DMD: variants seen among roughly 807,000 people sequenced by gnomAD.
The protein encoded by DMD is dystrophin.
In DMD, 63 loss-of-function variants were observed where a neutral mutation model predicts 330.1. That is an observed-to-expected ratio of 0.19 (90% CI 0.16 to 0.24). DMD has a LOEUF of 0.24. Ranked by LOEUF, DMD falls within the 10% of genes least tolerant of loss-of-function variation. DMD has a pLI of 1.00. For missense variants in DMD, 3,344 were observed against 2,684.1 expected (o/e 1.25, Z -5.43); for synonymous variants, 1,223 against 959.8 (o/e 1.27, Z -5.07).
intron 44 of DMD, among the ~76,000 whole-genome samples, chrX:32,173,845 C>T (rs1459187536): frequency 3.6e-5 from 4 of 111,759 alleles, no homozygotes; most frequent in East Asian, 5.6e-4. Context: ...CAACCTGTTG[C>T]TGTATTGTTC....
chrX:32,485,760 T>TTTTTTTTG (rs1491562755), intron 20 of DMD, among the ~76,000 whole-genome samples: 2 of 83,598 alleles, frequency 2.4e-5, no homozygotes, highest in African/African-American at 1.1e-4. Flanking sequence ...TTTTTTTTTT[T>TTTTTTTTG]GGGACAGAGT....
chrX:31,978,148 T>C (rs892975983), intron 44 of DMD, among the ~76,000 whole-genome samples: 2 of 112,074 alleles, frequency 1.8e-5, no homozygotes, highest in African/African-American at 3.2e-5. Context: ...CCTTTTCATT[T>C]GACTGAAACC....
At chrX:32,082,058 G>A (rs1398576394) in intron 44 of DMD, among the ~76,000 whole-genome samples, 1 of 110,139 alleles carries the variant, frequency 9.1e-6, no homozygotes, top group Non-Finnish European at 1.9e-5. Flanking sequence ...GTGATTTTAC[G>A]TACACGATCT....
At chrX:33,157,351 A>G (rs1044221429) in intron 1 of DMD, among the ~76,000 whole-genome samples, 1 of 111,062 alleles carries the variant, frequency 9.0e-6, no homozygotes, top group African/African-American at 3.3e-5. Flanking sequence ...TCTTCTCTGT[A>G]TTTCTTCTCT....
At chrX:33,066,321 C>T (rs190963258) in intron 1 of DMD, among the ~76,000 whole-genome samples, 19 of 106,816 alleles carry the variant, frequency 1.8e-4, no homozygotes, top group Non-Finnish European at 1.7e-4. Flanking sequence ...TGGTGGTGCG[C>T]GCCTGTAATC....
chrX:31,544,354 CG>C (rs1253524435), intron 55 of DMD, among the ~76,000 whole-genome samples: 2 of 108,602 alleles, frequency 1.8e-5, no homozygotes, highest in Non-Finnish European at 3.8e-5. Flanking sequence ...ATTCAAGTTA[CG>C]CTACTCCAAA....
intron 41 of DMD, among the ~76,000 whole-genome samples, chrX:32,316,912 A>G (rs2097584481): frequency 9.0e-6 from 1 of 111,186 alleles, no homozygotes; most frequent in African/African-American, 3.3e-5. Flanking sequence ...TTTAATAAAA[A>G]TTTCAGACAG....
intron 9 of DMD, among the ~76,000 whole-genome samples, chrX:32,652,581 G>C (rs189222227): frequency 2.7e-5 from 3 of 110,560 alleles, no homozygotes; most frequent in Non-Finnish European, 3.8e-5. Flanking sequence ...ATTGTGAATA[G>C]TGCCGCAATA....
chrX:32,841,111 C>T, intron 4 of DMD, among the ~76,000 whole-genome samples: 1 of 111,583 alleles, frequency 9.0e-6, no homozygotes, highest in Middle Eastern at 4.6e-3. Context: ...TATCTCATTA[C>T]AGCTCTAATT....
At chrX:31,169,405 C>T (rs747265608) in intron 74 of DMD, 38 bp downstream of exon 74, 23 of 1,093,925 alleles carry the variant, frequency 2.1e-5, no homozygotes, top group Non-Finnish European at 2.9e-5. Context: ...AGTGTATGCA[C>T]TCTGCATACC....
At chrX:32,014,698 T>C (rs2095746021) in intron 44 of DMD, among the ~76,000 whole-genome samples, 1 of 112,018 alleles carries the variant, frequency 8.9e-6, no homozygotes, top group South Asian at 3.7e-4. Flanking sequence ...TTACTATTAC[T>C]AGTAACACAC....
chrX:33,066,372 C>G (rs1345403188), intron 1 of DMD, among the ~76,000 whole-genome samples: 1 of 99,274 alleles, frequency 1.0e-5, no homozygotes, highest in African/African-American at 3.8e-5. Context: ...TCGCTTGAAC[C>G]TGGGAGGCAG....
intron 1 of DMD, among the ~76,000 whole-genome samples, chrX:33,024,987 G>T (rs2093971114): frequency 9.3e-6 from 1 of 107,947 alleles, no homozygotes; most frequent in African/African-American, 3.3e-5. Flanking sequence ...CATTGCACTA[G>T]TTACTGAAAA....
chrX:33,088,145 C>G (rs2095034522), intron 1 of DMD, among the ~76,000 whole-genome samples: 1 of 110,970 alleles, frequency 9.0e-6, no homozygotes, highest in Non-Finnish European at 1.9e-5. Flanking sequence ...CTTTACCTCC[C>G]GGAGGATTCA....
In DMD at chrX:32,565,830, A is replaced by C; in HGVS notation, c.1864T>G (p.Ser622Ala). Residue 622 changes from serine (S) to alanine (A), a missense_variant, in exon 16 of 79, where the codon TCA becomes GCA. Coordinates refer to ENST00000357033, the MANE Select transcript of DMD (RefSeq NM_004006.3). ...GTTGAAAGAAGATCTTGTTTGAGTGAATACAGTTTGCCCATGGATTGCTTT... is the reference window on the plus strand; with the variant it reads ...GTTGAAAGAAGATCTTGTTTGAGTGCATACAGTTTGCCCATGGATTGCTTT... ...KKKQSMGKLY[S>A]LKQDLLSTLK... 1 of 1,211,375 alleles carries C rather than the reference A, an allele frequency of 8.3e-7. No individual in the cohort carries two copies. The highest frequency in any genetic ancestry group is 1.1e-6 in the Non-Finnish European group (1 of 895,167).
chrX:31,720,669 T>C (rs1221187466), intron 52 of DMD, among the ~76,000 whole-genome samples: 1 of 111,990 alleles, frequency 8.9e-6, no homozygotes, highest in East Asian at 2.8e-4. Flanking sequence ...TAGTTTTGTT[T>C]ATTATGTTTA....
In DMD at chrX:32,263,856, C is replaced by G. The variant is rs554489142; in HGVS notation, c.6290+23673G>C. ...CTACCAACCCTCATTTATCCCTCAG[C>G]CATTGATTTTAAAAAATATTTTATA... On this transcript the variant is annotated intron_variant, in intron 43 of 78. Coordinates refer to ENST00000357033, the MANE Select transcript of DMD (RefSeq NM_004006.3). Among the ~76,000 whole-genome samples, 5 of 111,522 alleles carry G rather than the reference C, an allele frequency of 4.5e-5. No individual in the cohort carries two copies. The South Asian group carries it at 1.9e-3, about 42-fold the overall frequency.
At chrX:31,917,014 T>C (rs779145207) in intron 47 of DMD, among the ~76,000 whole-genome samples, 1 of 111,942 alleles carries the variant, frequency 8.9e-6, no homozygotes, top group South Asian at 3.7e-4. Flanking sequence ...GAACACACTG[T>C]ATGCATTCCA....
chrX:31,163,135 GATATAGTTT>G (rs2039035916), intron 74 of DMD, among the ~76,000 whole-genome samples: 2 of 111,909 alleles, frequency 1.8e-5, no homozygotes, highest in Non-Finnish European at 3.8e-5. Context: ...GTCACCAAAT[GATATAGTTT>G]GGCTGGATCT....
Sources: gnomAD v4.1 joint callset for allele counts (sites outside exome capture counted in the v4.1 genomes callset) on GRCh38, gnomAD v4.1.1 for gene constraint, MANE v1.5 for transcripts, NCBI Gene and HGNC (gene_info 2026-07-23, HGNC 2026-07-21) for gene names.